COP1: variants seen among roughly 807,000 people sequenced by gnomAD.
The protein encoded by COP1 is E3 ubiquitin-protein ligase COP1.
In COP1, 24 loss-of-function variants were observed where a neutral mutation model predicts 101.3. The observed-to-expected ratio is 0.24, with a 90% CI of 0.17 to 0.33. The LOEUF (loss-of-function observed/expected upper bound fraction) is 0.33, where lower values mean the gene tolerates loss of function less well. COP1 is among the 10% of genes least tolerant of loss of function. The probability of loss-of-function intolerance (pLI) is 1.00; values close to 1 mark genes in which losing one functional copy is unlikely to be tolerated. For missense variants in COP1, 663 were observed against 906.2 expected, an observed-to-expected ratio of 0.73 and a Z score of 3.45; for synonymous variants, 347 against 341.9, an observed-to-expected ratio of 1.01 and a Z score of -0.17.
chr1:176,008,573 T>A (rs1409825948), intron 15 of COP1, among the ~76,000 whole-genome samples: 1 of 152,232 alleles, frequency 6.6e-6, no homozygotes, highest in Non-Finnish European at 1.5e-5. Context: ...AATAACTAAT[T>A]ACAAATATAT....
At chr1:176,057,077 ATTTTAC>A (rs1456172689) in intron 11 of COP1, among the ~76,000 whole-genome samples, 11 of 152,344 alleles carry the variant, frequency 7.2e-5, no homozygotes, top group African/African-American at 2.4e-5. Context: ...AATGAAATCC[ATTTTAC>A]ATAGAAAGAC....
chr1:176,159,734 T>C (rs1441400603), intron 5 of COP1, among the ~76,000 whole-genome samples: 1 of 152,198 alleles, frequency 6.6e-6, no homozygotes, highest in Non-Finnish European at 1.5e-5. Flanking sequence ...ACCTCTAATT[T>C]ATGCAAACTA....
At chr1:176,189,762 T>C (rs1363183845) in intron 1 of COP1, among the ~76,000 whole-genome samples, 4 of 151,214 alleles carry the variant, frequency 2.6e-5, no homozygotes, top group Non-Finnish European at 5.9e-5. Flanking sequence ...ATACTGTCCC[T>C]AGAAACAATG....
chr1:176,063,014 C>G (rs1351991986), intron 11 of COP1, among the ~76,000 whole-genome samples: 1 of 147,798 alleles, frequency 6.8e-6, no homozygotes, highest in East Asian at 2.0e-4. Context: ...GTGGAATTAA[C>G]TGCAAGTGGT....
rs146067246 is a variant in COP1 at position 176,083,457 on chromosome 1, T to C, written c.1142-2170A>G. On this transcript the variant is annotated intron_variant, in intron 10 of 19. Coordinates refer to ENST00000367669, the MANE Select transcript of COP1 (RefSeq NM_022457.7). Reference sequence around the variant, plus strand: ...CAGTATCTGAAAGTATAGTAATTGATTTTAACTTATGAGGTTACAAAAAAG... The same window carrying C: ...CAGTATCTGAAAGTATAGTAATTGACTTTAACTTATGAGGTTACAAAAAAG... 2.6e-3 allele frequency among the ~76,000 whole-genome samples: 399 copies of C among 152,290 alleles called. 3 individuals are homozygous for C. The highest frequency in any genetic ancestry group is 9.2e-3 in the African/African-American group (381 of 41,568).
chr1:175,982,622 T>C (rs1656139188), intron 18 of COP1, among the ~76,000 whole-genome samples: 1 of 152,208 alleles, frequency 6.6e-6, no homozygotes, highest in African/African-American at 2.4e-5. Flanking sequence ...GTTAAGCTTT[T>C]GAGTCAGGGA....
chr1:176,137,483 G>A (rs184448610), intron 6 of COP1, among the ~76,000 whole-genome samples: 28 of 152,228 alleles, frequency 1.8e-4, no homozygotes, highest in Admixed American at 9.2e-4. Flanking sequence ...CCAGGATGCG[G>A]TTGTCTTACT....
At chr1:176,042,219 C>T (rs774266067) in intron 14 of COP1, among the ~76,000 whole-genome samples, 30 of 141,630 alleles carry the variant, frequency 2.1e-4, no homozygotes, top group Non-Finnish European at 3.0e-4. Flanking sequence ...TGCAGTGAGC[C>T]GAGATTGCGC....
rs1160053879 is a variant in COP1 at position 176,196,940 on chromosome 1, A to AGGAG, written c.407+9628_407+9631dup. On this transcript the variant is annotated intron_variant, in intron 1 of 19. Transcript: ENST00000367669. The stretch of plus-strand genomic sequence containing the variant: ...GAAAGAAAGAAAGAGTGAAACCAGC[A>AGGAG]GGAGGGAGGGAGGGAGGGAAAGAAA... Among the ~76,000 whole-genome samples, 5 of 141,738 alleles carry AGGAG rather than the reference A, an allele frequency of 3.5e-5. No individual in the cohort carries two copies. In the Middle Eastern group the frequency reaches 0.014, roughly 399 times the overall value. The allele number at this position is 141,738 out of a possible 152,430, so 93.0% of individuals were successfully genotyped here. A position where few individuals can be genotyped will look rare whatever the true frequency, so the allele number is the denominator to read the frequency against.
At chr1:176,062,667 T>A (rs1675074368) in intron 11 of COP1, among the ~76,000 whole-genome samples, 1 of 152,182 alleles carries the variant, frequency 6.6e-6, no homozygotes, top group Non-Finnish European at 1.5e-5. Context: ...TAAACATTAA[T>A]ATCCAAAATG....
intron 1 of COP1, among the ~76,000 whole-genome samples, chr1:176,195,105 A>AGGAGAGGAGAGAAAGAG (rs1376732072): frequency 5.7e-5 from 8 of 139,504 alleles, no homozygotes; most frequent in African/African-American, 1.3e-4. Flanking sequence ...GAAGAGAAAA[A>AGGAGAGGAGAGAAAGAG]GGAGAGGAGA....
chr1:176,076,251 A>G (rs1381699201), intron 11 of COP1, among the ~76,000 whole-genome samples: 3 of 152,158 alleles, frequency 2.0e-5, no homozygotes, highest in African/African-American at 7.2e-5. Context: ...ATTAAAAAAA[A>G]ATCATAATCA....
chr1:176,093,129 A>G (rs1473749029), intron 9 of COP1, among the ~76,000 whole-genome samples: 4 of 152,214 alleles, frequency 2.6e-5, no homozygotes, highest in Non-Finnish European at 1.5e-5. Flanking sequence ...GTGTGTATAT[A>G]TGTGGTAAAA....
chr1:176,204,399 G>A (rs945687543), intron 1 of COP1, among the ~76,000 whole-genome samples: 3 of 151,826 alleles, frequency 2.0e-5, no homozygotes, highest in Non-Finnish European at 4.4e-5. Flanking sequence ...ATTTGAATTG[G>A]TTCACAGTTT....
chr1:176,136,482 C>A lies in COP1; in HGVS notation c.891+6G>T. 6.3e-7 allele frequency: 1 copy of A among 1,580,086 alleles called. No individual in the cohort carries two copies. Among genetic ancestry groups the A allele is most frequent in the South Asian group, 1.1e-5 (1 of 88,452 alleles). On this transcript the variant is annotated splice_donor_region_variant and intron_variant, in intron 7 of 19. Coordinates refer to ENST00000367669, the MANE Select transcript of COP1 (RefSeq NM_022457.7). ...CTAAGGATGTGAGAAATTCTTGATT[C>A]CTTACTTCCACTCTCTTAATATCCT... is the stretch of plus-strand genomic sequence containing the variant.
At chr1:176,108,203 A>G (rs867823566) in intron 9 of COP1, among the ~76,000 whole-genome samples, 19 of 152,220 alleles carry the variant, frequency 1.2e-4, no homozygotes, top group Non-Finnish European at 2.2e-4. Context: ...GGCAATTACA[A>G]AAGTTCAGAA....
intron 14 of COP1, among the ~76,000 whole-genome samples, chr1:176,037,906 C>T (rs1669857446): frequency 6.6e-6 from 1 of 152,122 alleles, no homozygotes; most frequent in East Asian, 1.9e-4. Context: ...GTTGTCATTC[C>T]TATTTACCAT....
At chr1:176,140,304 A>T (rs1690468276) in intron 6 of COP1, among the ~76,000 whole-genome samples, 1 of 152,204 alleles carries the variant, frequency 6.6e-6, no homozygotes. Context: ...TAAAAATCAA[A>T]TAATGAAGGC....
chr1:176,191,907 A>T (rs1699152351), intron 1 of COP1, among the ~76,000 whole-genome samples: 1 of 152,184 alleles, frequency 6.6e-6, no homozygotes. Flanking sequence ...AAAGAATAGC[A>T]TAGCGGCAAT....
Sources: gnomAD v4.1 joint callset for allele counts (sites outside exome capture counted in the v4.1 genomes callset) on GRCh38, gnomAD v4.1.1 for gene constraint, MANE v1.5 for transcripts, NCBI Gene and HGNC (gene_info 2026-07-23, HGNC 2026-07-21) for gene names.